The following ARL5A variants were observed in gnomAD, a reference collection of about 807,000 sequenced individuals.
ARL5A encodes the protein ADP-ribosylation factor-like protein 5A.
A neutral mutation model predicts 25.9 loss-of-function variants in ARL5A; 18 were observed. The observed-to-expected ratio is 0.69, with a 90% confidence interval of 0.48 to 1.03. ARL5A has a LOEUF of 1.03. Among genes scored for constraint, ARL5A ranks in the 50% least tolerant of loss-of-function variants. The pLI is 0.00. For synonymous variants in ARL5A, 61 were observed against 67.5 expected (o/e 0.90, Z 0.47); for missense variants, 170 against 211.9 (o/e 0.80, Z 1.23).
intron 1 of ARL5A, among the ~76,000 whole-genome samples, chr2:151,821,836 A>G (rs955213968): frequency 8.0e-6 from 1 of 125,378 alleles, no homozygotes; most frequent in African/African-American, 3.1e-5. Flanking sequence ...ATGCCCAGCT[A>G]ATTTTTTAAT....
At chr2:151,812,200 A>T (rs1194645930) in intron 4 of ARL5A, among the ~76,000 whole-genome samples, 157 bp downstream of exon 4, 2 of 152,198 alleles carry the variant, frequency 1.3e-5, no homozygotes, top group Non-Finnish European at 2.9e-5. Context: ...TACACTTCCA[A>T]ACTGGGAGAT....
At position 151,814,297 on chromosome 2, in the gene ARL5A, G is replaced by A. The variant is rs1273101156; in HGVS notation, c.127C>T (p.His43Tyr). The A allele has an allele frequency of 1.3e-5, 21 of 1,570,112 alleles. No homozygotes were observed. In the Admixed American group the frequency reaches 4.2e-4, roughly 31 times the overall value. ...LYQFSMNEVV[H>Y]TSPTIGSNVE... ...TTACTTCCTATTGTAGGAGATGTAT[G>A]TACAACTTCATTCATAGAACTGGGG... The change falls in exon 3 of 6, where the codon CAT (histidine) becomes TAT (tyrosine). Residue 43 changes from histidine to tyrosine, a missense_variant. His to Tyr is a moderately conservative substitution (Grantham distance 83, BLOSUM62 2). Transcript: ENST00000295087.
intron 5 of ARL5A, among the ~76,000 whole-genome samples, chr2:151,805,445 AC>A (rs1475694815): frequency 6.6e-6 from 1 of 152,160 alleles, no homozygotes; most frequent in Non-Finnish European, 1.5e-5. Context: ...CAAACTTAAG[AC>A]TTCTATTTAG....
chr2:151,825,804 CTT>C (rs1256387269), intron 1 of ARL5A, among the ~76,000 whole-genome samples: 1 of 150,912 alleles, frequency 6.6e-6, no homozygotes, highest in African/African-American at 2.4e-5. Context: ...ACATATCTAA[CTT>C]ATATATGTCC....
chr2:151,799,441 A>G lies in ARL5A; in HGVS notation c.*3835T>C, dbSNP rs1327356593. The G allele has an allele frequency of 6.6e-6, 1 of 152,180 alleles. No individual in the cohort carries two copies. The highest frequency in any genetic ancestry group is 1.5e-5 in the Non-Finnish European group (1 of 68,028). 9.4% of individuals were successfully genotyped at this position (152,180 alleles called of 1,614,324 possible). Reference sequence around the variant, plus strand: ...TAAATTTGGTTTGGCATCTTTTTCCAAATCAAACTGAACTGGTATTCTGTG... The same window carrying G: ...TAAATTTGGTTTGGCATCTTTTTCCGAATCAAACTGAACTGGTATTCTGTG... On this transcript the variant is annotated 3_prime_UTR_variant, in exon 6 of 6. Coordinates refer to ENST00000295087, the MANE Select transcript of ARL5A (RefSeq NM_012097.4).
At chr2:151,818,280 T>A (rs1399577360) in intron 1 of ARL5A, among the ~76,000 whole-genome samples, 2 of 152,030 alleles carry the variant, frequency 1.3e-5, no homozygotes, top group Non-Finnish European at 2.9e-5. Flanking sequence ...CTGATGTGAA[T>A]CCTTTCTTTT....
chr2:151,799,927 G>C lies in ARL5A; in HGVS notation c.*3349C>G, dbSNP rs566281113. ...AGAGCAAAGGATACCTGAGCTATGGGGAAGCTGACCTTGAAAGCAATGAGG... is the reference window on the plus strand; with the variant it reads ...AGAGCAAAGGATACCTGAGCTATGGCGAAGCTGACCTTGAAAGCAATGAGG... On this transcript the variant is annotated 3_prime_UTR_variant, in exon 6 of 6. Transcript: ENST00000295087. 6.6e-6 allele frequency: 1 copy of C among 152,296 alleles called. No homozygotes were observed. Among genetic ancestry groups the C allele is most frequent in the South Asian group, 2.1e-4 (1 of 4,824 alleles). 9.4% of individuals were successfully genotyped at this position (152,296 alleles called of 1,614,324 possible). A position where few individuals can be genotyped will look rare whatever the true frequency, so the allele number is the denominator to read the frequency against.
At chr2:151,812,615 T>C (rs2099830980) in intron 3 of ARL5A, among the ~76,000 whole-genome samples, 175 bp from the exon 4 acceptor site, 3 of 152,314 alleles carry the variant, frequency 2.0e-5, no homozygotes, top group Middle Eastern at 3.4e-3. Context: ...TCGATTTTAA[T>C]ATATTTACTA....
Position 151,814,299 on chromosome 2 carries a change from A to G in ARL5A, c.125T>C (p.Val42Ala), listed in dbSNP as rs750528869. 2 of 1,570,280 alleles carry G rather than the reference A, an allele frequency of 1.3e-6. No homozygotes were observed. The highest frequency in any genetic ancestry group is 1.7e-6 in the Non-Finnish European group (2 of 1,163,234). ...ILYQFSMNEV[V>A]HTSPTIGSNV... ...ACTTCCTATTGTAGGAGATGTATGT[A>G]CAACTTCATTCATAGAACTGGGGAA... The change falls in exon 3 of 6, where the codon GTA (valine) becomes GCA (alanine). Residue 42 changes from valine to alanine, a missense_variant. Val to Ala is a moderately conservative substitution (Grantham distance 64, BLOSUM62 0). Transcript: ENST00000295087.
intron 1 of ARL5A, among the ~76,000 whole-genome samples, chr2:151,821,362 A>C (rs1381143491): frequency 1.3e-5 from 2 of 152,190 alleles, no homozygotes; most frequent in Non-Finnish European, 2.9e-5. Context: ...AAATACTTCA[A>C]AAACAAAAAG....
intron 1 of ARL5A, among the ~76,000 whole-genome samples, chr2:151,824,478 C>CTAATAATAA (rs61097162): frequency 0.014 from 2,065 of 150,408 alleles, 16 homozygotes; most frequent in East Asian, 0.04. Flanking sequence ...TTTAAACTCC[C>CTAATAATAA]TAATAATAAT....
intron 4 of ARL5A, among the ~76,000 whole-genome samples, chr2:151,807,475 G>C (rs534939527): frequency 5.9e-5 from 9 of 152,174 alleles, no homozygotes; most frequent in African/African-American, 1.4e-4. Flanking sequence ...TCCTAAACCA[G>C]CCTTTCCCAA....
rs191859855 is a variant in ARL5A, at chr2:151,801,516, T to C, written c.*1760A>G. On this transcript the variant is annotated 3_prime_UTR_variant, in exon 6 of 6. Transcript: ENST00000295087. ...GGATTTGAGAAAGTACGAGAACATA[T>C]GGGAAAAGCTTAGTAATTTAAGATT... 1.6e-4 allele frequency: 24 copies of C among 152,252 alleles called. No individual in the cohort carries two copies. Among genetic ancestry groups the C allele is most frequent in the Admixed American group, 1.3e-3 (20 of 15,300 alleles). The allele number at this position is 152,252 out of a possible 1,614,324, so 9.4% of individuals were successfully genotyped here.
chr2:151,822,828 T>C (rs955674408), intron 1 of ARL5A, among the ~76,000 whole-genome samples: 1 of 152,240 alleles, frequency 6.6e-6, no homozygotes, highest in Non-Finnish European at 1.5e-5. Context: ...GGCTTTAACA[T>C]ACCAATCAAT....
At chr2:151,827,819 G>A (rs1418579541) in intron 1 of ARL5A, 1 of 400,556 alleles carries the variant, frequency 2.5e-6, no homozygotes, top group Non-Finnish European at 4.5e-6. Flanking sequence ...AGGCCAGGCC[G>A]TGCTACTCAG....
In ARL5A at chr2:151,799,279, TA is replaced by T. The variant is rs1267780520; in HGVS notation, c.*3996del. On this transcript the variant is annotated 3_prime_UTR_variant, in exon 6 of 6. Coordinates refer to ENST00000295087, the MANE Select transcript of ARL5A (RefSeq NM_012097.4). Reference sequence around the variant, plus strand: ...TCTTTAAAGCCCATTTCAACAGGTTTATTTTTTAAGGATAGGCTTTTCATTA... The same window carrying T: ...TCTTTAAAGCCCATTTCAACAGGTTTTTTTTTAAGGATAGGCTTTTCATTA... 6 of 152,242 alleles carry T rather than the reference TA, an allele frequency of 3.9e-5. No homozygotes were observed. Among genetic ancestry groups the T allele is most frequent in the Admixed American group, 3.3e-4 (5 of 15,292 alleles). The allele number at this position is 152,242 out of a possible 1,614,324, so 9.4% of individuals were successfully genotyped here. A position where few individuals can be genotyped will look rare whatever the true frequency, so the allele number is the denominator to read the frequency against.
chr2:151,808,769 C>A (rs977667656), intron 4 of ARL5A, among the ~76,000 whole-genome samples: 3 of 152,114 alleles, frequency 2.0e-5, no homozygotes, highest in African/African-American at 7.2e-5. Flanking sequence ...ATTCATCAGC[C>A]AGGTGTGGTG....
chr2:151,803,373 T>G (rs763682431), intron 5 of ARL5A, 49 bp from the exon 6 acceptor site: 2 of 1,390,538 alleles, frequency 1.4e-6, no homozygotes, highest in Non-Finnish European at 2.0e-6. Context: ...TAAGAAGCTA[T>G]GAGCAGCAAA....
chr2:151,815,382 C>T (rs922533852), intron 1 of ARL5A, among the ~76,000 whole-genome samples, 183 bp from the exon 2 acceptor site: 2 of 152,176 alleles, frequency 1.3e-5, no homozygotes, highest in Non-Finnish European at 2.9e-5. Context: ...TGCCATTATA[C>T]TCACCTTCCC....
Sources: gnomAD v4.1 joint callset for allele counts (sites outside exome capture counted in the v4.1 genomes callset) on GRCh38, gnomAD v4.1.1 for gene constraint, MANE v1.5 for transcripts, NCBI Gene and HGNC (gene_info 2026-07-23, HGNC 2026-07-21) for gene names.